The following SH3KBP1 variants were observed in gnomAD, a reference collection of about 807,000 sequenced individuals.
SH3KBP1 encodes SH3 domain-containing kinase-binding protein 1.
In SH3KBP1, 8 loss-of-function variants were observed where a neutral mutation model predicts 50.1. That is an observed-to-expected ratio of 0.16 (90% CI 0.09 to 0.29). The LOEUF (loss-of-function observed/expected upper bound fraction) is 0.29, where lower values mean the gene tolerates loss of function less well. Among genes scored for constraint, SH3KBP1 ranks in the 10% least tolerant of loss-of-function variants. The pLI is 1.00. For synonymous variants in SH3KBP1, 227 were observed against 218.6 expected (o/e 1.04, Z -0.34); for missense variants, 377 against 535.2 (o/e 0.70, Z 2.92).
chrX:19,782,725 C>G (rs1270534319), intron 2 of SH3KBP1, among the ~76,000 whole-genome samples: 1 of 112,088 alleles, frequency 8.9e-6, no homozygotes, highest in Non-Finnish European at 1.9e-5. Context: ...GCTTTTCAGA[C>G]AGACCTCAGC....
chrX:19,691,400 T>TA (rs2063290986), intron 5 of SH3KBP1, among the ~76,000 whole-genome samples: 1 of 101,472 alleles, frequency 9.9e-6, no homozygotes, highest in African/African-American at 3.6e-5. Flanking sequence ...TATATATATA[T>TA]TTTCAGGTTT....
At chrX:19,622,758 G>A (rs1004987444) in intron 8 of SH3KBP1, among the ~76,000 whole-genome samples, 6 of 112,209 alleles carry the variant, frequency 5.3e-5, no homozygotes, top group Admixed American at 1.9e-4. Flanking sequence ...GAGGATTGTC[G>A]AGGGCCAGGC....
At chrX:19,740,931 T>C (rs1603168804) in intron 3 of SH3KBP1, 3 of 172,482 alleles carry the variant, frequency 1.7e-5, no homozygotes, top group African/African-American at 6.0e-5. Flanking sequence ...CACTTAGATC[T>C]GTTTAGGGCT....
At chrX:19,795,403 C>G (rs182164758) in intron 2 of SH3KBP1, among the ~76,000 whole-genome samples, 1 of 111,506 alleles carries the variant, frequency 9.0e-6, no homozygotes, top group Non-Finnish European at 1.9e-5. Flanking sequence ...CTCCTTTTGC[C>G]GCCCTCCATT....
At chrX:19,768,577 A>T (rs772819345) in intron 2 of SH3KBP1, among the ~76,000 whole-genome samples, 3 of 101,865 alleles carry the variant, frequency 2.9e-5, no homozygotes, top group Non-Finnish European at 4.0e-5. Flanking sequence ...GCTAGATAAT[A>T]CAGGCAAAGA....
intron 1 of SH3KBP1, 48 bp from the exon 2 acceptor site, chrX:19,836,330 A>C (rs1389493176): frequency 9.3e-7 from 1 of 1,079,712 alleles, no homozygotes; most frequent in Non-Finnish European, 1.3e-6. Context: ...ATGTTGGAGA[A>C]GGCTGAGGTC....
At chrX:19,749,076 A>C (rs550034340) in intron 2 of SH3KBP1, among the ~76,000 whole-genome samples, 1 of 112,589 alleles carries the variant, frequency 8.9e-6, no homozygotes, top group Admixed American at 9.4e-5. Context: ...GGAAATGCAA[A>C]TGAAAACCAC....
intron 1 of SH3KBP1, among the ~76,000 whole-genome samples, chrX:19,841,911 CG>C (rs1188653972): frequency 1.3e-4 from 1 of 7,774 alleles, no homozygotes; most frequent in African/African-American, 7.2e-4. Context: ...TTGATGCGGG[CG>C]GGGGGGTGGG....
chrX:19,631,502 T>TA (rs113433718), intron 8 of SH3KBP1, among the ~76,000 whole-genome samples: 10,898 of 111,089 alleles, frequency 0.098, 1,233 homozygotes, highest in African/African-American at 0.33. Context: ...ACCAGCGTTT[T>TA]AAAAAAAAAC....
At chrX:19,738,137 T>C (rs1389856502) in intron 3 of SH3KBP1, among the ~76,000 whole-genome samples, 3 of 111,527 alleles carry the variant, frequency 2.7e-5, no homozygotes, top group Non-Finnish European at 3.8e-5. Flanking sequence ...AGTTCCATGA[T>C]CAAAGATAAG....
At chrX:19,582,084 G>C (rs1224796115) in intron 12 of SH3KBP1, among the ~76,000 whole-genome samples, 1 of 111,592 alleles carries the variant, frequency 9.0e-6, no homozygotes, top group Non-Finnish European at 1.9e-5. Flanking sequence ...CAATTCCTGG[G>C]CACATGTTTC....
chrX:19,579,800 T>C (rs1446990484), intron 12 of SH3KBP1, among the ~76,000 whole-genome samples: 1 of 112,109 alleles, frequency 8.9e-6, no homozygotes, highest in Admixed American at 9.4e-5. Flanking sequence ...CATCAGTTGC[T>C]GGCCTTCCCT....
chrX:19,553,824 C>G (rs2147675783), intron 13 of SH3KBP1, among the ~76,000 whole-genome samples: 1 of 90,314 alleles, frequency 1.1e-5, no homozygotes, highest in Non-Finnish European at 2.1e-5. Context: ...GGAAGCCACT[C>G]TTAACCTCTT....
intron 3 of SH3KBP1, among the ~76,000 whole-genome samples, chrX:19,716,867 C>A (rs1348605538): frequency 9.0e-6 from 1 of 111,122 alleles, no homozygotes; most frequent in East Asian, 2.8e-4. Context: ...CAAGATGATA[C>A]CAGGAAGGCA....
At chrX:19,801,651 G>A (rs1269097480) in intron 2 of SH3KBP1, among the ~76,000 whole-genome samples, 1 of 112,029 alleles carries the variant, frequency 8.9e-6, no homozygotes, top group Non-Finnish European at 1.9e-5. Flanking sequence ...TCTTTTGGGG[G>A]TGATGGAAAT....
At chrX:19,779,059 G>A (rs902769721) in intron 2 of SH3KBP1, among the ~76,000 whole-genome samples, 1 of 108,898 alleles carries the variant, frequency 9.2e-6, no homozygotes, top group Non-Finnish European at 1.9e-5. Context: ...CTTTTGGGAG[G>A]GCGAGGTGGG....
chrX:19,712,815 C>T (rs905498327), intron 3 of SH3KBP1, among the ~76,000 whole-genome samples: 4 of 111,666 alleles, frequency 3.6e-5, no homozygotes, highest in African/African-American at 6.5e-5. Context: ...TATAGAATAT[C>T]GTCACCTATA....
At chrX:19,713,026 C>A in intron 3 of SH3KBP1, among the ~76,000 whole-genome samples, 1 of 110,054 alleles carries the variant, frequency 9.1e-6, no homozygotes, top group Admixed American at 9.6e-5. Flanking sequence ...GAGTTTGAGA[C>A]CATCTGGCCA....
At chrX:19,732,875 A>G (rs1465764830) in intron 3 of SH3KBP1, among the ~76,000 whole-genome samples, 1 of 111,728 alleles carries the variant, frequency 9.0e-6, no homozygotes, top group Admixed American at 9.5e-5. Flanking sequence ...ATATGAGGGG[A>G]AAGATCCTAT....
Sources: gnomAD v4.1 joint callset for allele counts (sites outside exome capture counted in the v4.1 genomes callset) on GRCh38, gnomAD v4.1.1 for gene constraint, MANE v1.5 for transcripts, NCBI Gene and HGNC (gene_info 2026-07-23, HGNC 2026-07-21) for gene names.